The following CHD2 variants were observed in gnomAD, a reference collection of about 807,000 sequenced individuals.
The protein encoded by CHD2 is ATP-dependent chromatin remodeler CHD2.
In CHD2, 28 loss-of-function variants were observed where a neutral mutation model predicts 243.9. That is an observed-to-expected ratio of 0.11 (90% confidence interval 0.09 to 0.16). The LOEUF (loss-of-function observed/expected upper bound fraction) is 0.16. CHD2 is among the 10% of genes least tolerant of loss of function. The probability of loss-of-function intolerance (pLI) is 1.00; values close to 1 mark genes in which losing one functional copy is unlikely to be tolerated. For synonymous variants in CHD2, 775 were observed against 779.0 expected (o/e 0.99, Z 0.09); for missense variants, 1,386 against 2,209.8 (o/e 0.63, Z 7.47).
At chr15:92,941,181 C>T (rs35865218) in intron 7 of CHD2, among the ~76,000 whole-genome samples, 1 of 150,236 alleles carries the variant, frequency 6.7e-6, no homozygotes, top group Non-Finnish European at 1.5e-5. Flanking sequence ...TATTTTTAAT[C>T]GATACGGTCA....
intron 14 of CHD2, 96 bp downstream of exon 14, chr15:92,953,669 GTTA>G: frequency 8.6e-7 from 1 of 1,160,776 alleles, no homozygotes; most frequent in Non-Finnish European, 1.3e-6. Flanking sequence ...AAAATTTGTG[GTTA>G]TTATTCTGAT....
At chr15:92,931,810 T>C (rs2053171836) in intron 5 of CHD2, among the ~76,000 whole-genome samples, 1 of 152,144 alleles carries the variant, frequency 6.6e-6, no homozygotes, top group Non-Finnish European at 1.5e-5. Context: ...TTTTCTCTTT[T>C]ATAAGCACAG....
At chr15:92,940,458 G>A (rs1322592716) in intron 7 of CHD2, among the ~76,000 whole-genome samples, 1 of 151,600 alleles carries the variant, frequency 6.6e-6, no homozygotes, top group Non-Finnish European at 1.5e-5. Context: ...AAAAGAAAAA[G>A]GAAAATGAAA....
chr15:92,948,292 G>A (rs2053502673), intron 12 of CHD2, among the ~76,000 whole-genome samples: 1 of 152,080 alleles, frequency 6.6e-6, no homozygotes, highest in South Asian at 2.1e-4. Flanking sequence ...TATGACAGCT[G>A]GAGGCAATGT....
Position 93,019,972 on chromosome 15 carries a change from A to G in CHD2, c.4907-40A>G. On this transcript the variant is annotated intron_variant, in intron 37 of 38. Transcript: ENST00000394196. ...ATTGTAGTGAAAGTGAAATTCATCC[A>G]TTTCTTGCAGTCATCAGATCATTCT... 4 of 1,564,624 alleles carry G rather than the reference A, an allele frequency of 2.6e-6. No individual in the cohort carries two copies. In the East Asian group the frequency reaches 6.8e-5, roughly 26 times the overall value.
rs1170297294 is a variant in CHD2 at position 93,026,183 on chromosome 15, AG to A, written c.*1479del. ...GTTAAGAGTATCCAAAGGCCTTTCT[AG>A]ATGGAGACAGAATAACTGACTTGAA... is the stretch of plus-strand genomic sequence containing the variant. On this transcript the variant is annotated 3_prime_UTR_variant, in exon 39 of 39. Transcript: ENST00000394196. 1.3e-5 allele frequency: 2 copies of A among 152,618 alleles called. No individual in the cohort carries two copies. The highest frequency in any genetic ancestry group is 3.9e-4 in the East Asian group (2 of 5,192). 9.5% of individuals were successfully genotyped at this position (152,618 alleles called of 1,614,324 possible).
intron 35 of CHD2, among the ~76,000 whole-genome samples, chr15:93,010,409 A>G (rs1214621706): frequency 9.3e-6 from 1 of 108,020 alleles, no homozygotes; most frequent in Non-Finnish European, 1.9e-5. Flanking sequence ...CATGACTGGA[A>G]ATTTTTTTTT....
chr15:93,010,033 TC>T (rs899032588), intron 35 of CHD2, among the ~76,000 whole-genome samples: 1 of 152,150 alleles, frequency 6.6e-6, no homozygotes, highest in Non-Finnish European at 1.5e-5. Flanking sequence ...TCAGCCCCCT[TC>T]CCCCCAGAGT....
At chr15:92,948,236 C>T (rs991797881) in intron 12 of CHD2, among the ~76,000 whole-genome samples, 7 of 152,114 alleles carry the variant, frequency 4.6e-5, no homozygotes, top group African/African-American at 1.7e-4. Context: ...GGCGGCATTT[C>T]TGAATTTACA....
At chr15:93,001,993 A>G (rs1399282798) in intron 32 of CHD2, among the ~76,000 whole-genome samples, 184 bp from the exon 33 acceptor site, 1 of 152,230 alleles carries the variant, frequency 6.6e-6, no homozygotes, top group South Asian at 2.1e-4. Flanking sequence ...CTGCCTCTAC[A>G]GTTGTAACTG....
At chr15:93,006,354 T>C (rs2054322000) in intron 34 of CHD2, among the ~76,000 whole-genome samples, 1 of 152,102 alleles carries the variant, frequency 6.6e-6, no homozygotes, top group Non-Finnish European at 1.5e-5. Flanking sequence ...CTAGAACTCC[T>C]GACCTCATGA....
chr15:92,955,370 A>T, intron 14 of CHD2, 53 bp from the exon 15 acceptor site: 1 of 1,090,352 alleles, frequency 9.2e-7, no homozygotes, highest in Non-Finnish European at 1.3e-6. Context: ...AACTTATGTG[A>T]TATAGAAAGG....
chr15:92,949,711 G>C (rs1243809744), intron 13 of CHD2, among the ~76,000 whole-genome samples: 1 of 152,210 alleles, frequency 6.6e-6, no homozygotes, highest in East Asian at 1.9e-4. Context: ...ATTTCAAGTA[G>C]TTCCTAATTA....
intron 15 of CHD2, 38 bp downstream of exon 15, chr15:92,955,550 G>C: frequency 7.5e-7 from 1 of 1,334,000 alleles, no homozygotes; most frequent in Non-Finnish European, 1.0e-6. Flanking sequence ...ATCTTTTCCA[G>C]TGCGACTTGT....
At chr15:92,949,455 A>G (rs1045150423) in intron 13 of CHD2, among the ~76,000 whole-genome samples, 1 of 152,198 alleles carries the variant, frequency 6.6e-6, no homozygotes, top group Non-Finnish European at 1.5e-5. Context: ...TTTTCTTTCT[A>G]GGCCAGGGAA....
intron 19 of CHD2, among the ~76,000 whole-genome samples, chr15:92,973,356 A>G (rs993277174): frequency 3.9e-5 from 6 of 152,222 alleles, no homozygotes; most frequent in Non-Finnish European, 4.4e-5. Context: ...TTATAGACAC[A>G]TAGACATATA....
intron 17 of CHD2, among the ~76,000 whole-genome samples, chr15:92,968,551 T>C: frequency 6.6e-6 from 1 of 152,204 alleles, no homozygotes; most frequent in Non-Finnish European, 1.5e-5. Flanking sequence ...ATCTGTTAAT[T>C]CATTAGAGAG....
chr15:92,990,761 A>G (rs2054107539), intron 26 of CHD2, among the ~76,000 whole-genome samples: 2 of 152,276 alleles, frequency 1.3e-5, no homozygotes, highest in South Asian at 2.1e-4. Context: ...GTAATTTGGC[A>G]TATTACATGA....
chr15:92,999,643 A>G (rs1403893712), intron 31 of CHD2, among the ~76,000 whole-genome samples: 2 of 152,032 alleles, frequency 1.3e-5, no homozygotes, highest in South Asian at 2.1e-4. Flanking sequence ...AACCCATAAT[A>G]CCACACCTCA....
Sources: gnomAD v4.1 joint callset for allele counts (sites outside exome capture counted in the v4.1 genomes callset) on GRCh38, gnomAD v4.1.1 for gene constraint, MANE v1.5 for transcripts, NCBI Gene and HGNC (gene_info 2026-07-23, HGNC 2026-07-21) for gene names.